The following CCDC33 variants were observed in gnomAD, a reference collection of about 807,000 sequenced individuals.
The protein encoded by CCDC33 is coiled-coil domain containing 33, also known as coiled-coil domain-containing protein 33.
CCDC33 carries 94 observed loss-of-function variants against 91.9 expected under a neutral mutation model. That is an observed-to-expected ratio of 1.02 (90% CI 0.87 to 1.21). The LOEUF is 1.21. CCDC33 is among the 50% of genes most tolerant of loss of function. The probability of loss-of-function intolerance (pLI) is 0.00; values close to 1 mark genes in which losing one functional copy is unlikely to be tolerated. For missense variants in CCDC33, 940 were observed against 935.5 expected (o/e 1.00, Z -0.06); for synonymous variants, 396 against 374.5 (o/e 1.06, Z -0.66).
chr15:74,209,078 C>T (rs1019426365), intron 1 of CCDC33: 1 of 1,256,138 alleles, frequency 8.0e-7, no homozygotes, highest in Non-Finnish European at 1.0e-6. Context: ...GGCTCTGCCC[C>T]TCCTCCTGCC....
At chr15:74,217,167 G>A (rs2074465768), upstream of CCDC33, 1 of 786,926 alleles carries the variant, frequency 1.3e-6, no homozygotes, top group Non-Finnish European at 1.7e-6. Flanking sequence ...AGGTGGGTGG[G>A]GAGTGTCCCT....
At chr15:74,215,170 G>A (rs2074407866), upstream of CCDC33, among the ~76,000 whole-genome samples, 2 of 152,180 alleles carry the variant, frequency 1.3e-5, no homozygotes, top group South Asian at 4.1e-4. Flanking sequence ...GGCAGTTTGG[G>A]TAGTGGAAAT....
intron 2 of CCDC33, among the ~76,000 whole-genome samples, chr15:74,261,573 A>G (rs936230434): frequency 1.6e-4 from 24 of 152,238 alleles, no homozygotes; most frequent in Middle Eastern, 6.8e-3. Flanking sequence ...CTGCTACAGG[A>G]TCTCTGGGAT....
intron 2 of CCDC33, among the ~76,000 whole-genome samples, chr15:74,223,615 C>T (rs1374100346): frequency 2.0e-5 from 3 of 152,022 alleles, no homozygotes; most frequent in Non-Finnish European, 4.4e-5. Context: ...CCTCTACAGG[C>T]ACGTGCCAGA....
intron 11 of CCDC33, among the ~76,000 whole-genome samples, chr15:74,308,822 T>G (rs2059940129): frequency 6.6e-6 from 1 of 152,180 alleles, no homozygotes; most frequent in Non-Finnish European, 1.5e-5. Context: ...CAATGACAGC[T>G]GGACCCTCTC....
At chr15:74,331,900 G>A (rs1166193975) in intron 15 of CCDC33, among the ~76,000 whole-genome samples, 1 of 151,984 alleles carries the variant, frequency 6.6e-6, no homozygotes, top group African/African-American at 2.4e-5. Context: ...CATGGTGGCG[G>A]GCACCTATAA....
chr15:74,266,604 T>C, intron 3 of CCDC33, 74 bp from the exon 4 acceptor site: 2 of 1,037,874 alleles, frequency 1.9e-6, no homozygotes, highest in East Asian at 2.4e-5. Context: ...CTCTCACCTC[T>C]CACTGTCTCT....
upstream of CCDC33, among the ~76,000 whole-genome samples, chr15:74,214,302 G>A (rs2074394430): frequency 6.6e-6 from 1 of 152,116 alleles, no homozygotes; most frequent in Non-Finnish European, 1.5e-5. Context: ...TTCACGCTGG[G>A]ACTTTGGAAG....
chr15:74,223,697 T>C (rs2074679750), intron 2 of CCDC33, among the ~76,000 whole-genome samples: 1 of 115,336 alleles, frequency 8.7e-6, no homozygotes, highest in South Asian at 2.3e-4. Flanking sequence ...AGCATGCTTC[T>C]GCTGAGGCTG....
chr15:74,333,131 C>G, intron 16 of CCDC33: 1 of 1,091,526 alleles, frequency 9.2e-7, no homozygotes, highest in East Asian at 2.6e-5. Context: ...TGGCTGGCCT[C>G]CACCTGGACC....
chr15:74,206,959 G>T (rs1328785763), intron 1 of CCDC33, among the ~76,000 whole-genome samples: 2 of 152,202 alleles, frequency 1.3e-5, no homozygotes, highest in Non-Finnish European at 2.9e-5. Flanking sequence ...TGCTCACTAT[G>T]GGAGGAGGTC....
At chr15:74,205,717 C>A (rs1160985412) in intron 1 of CCDC33, among the ~76,000 whole-genome samples, 3 of 152,220 alleles carry the variant, frequency 2.0e-5, no homozygotes, top group Non-Finnish European at 4.4e-5. Flanking sequence ...CAGAAAGGGA[C>A]CCCAGCTGAG....
rs1566987119 is a variant in CCDC33 at position 74,271,757 on chromosome 15, G to C, written c.601G>C (p.Val201Leu). The change falls in exon 6 of 19, where the codon GTG becomes CTG. Residue 201 changes from valine (V) to leucine (L), a missense_variant. Val to Leu is a conservative substitution (Grantham distance 32, BLOSUM62 1). Coordinates refer to ENST00000398814, the MANE Select transcript of CCDC33 (RefSeq NM_025055.5). ...PLANNPNPIV[V>L]IARVVPNYKE... Reference sequence around the variant, plus strand: ...GGCCAACAACCCCAACCCCATAGTGGTGATTGCCCGGGTCGTTCCCAACTA... The same window carrying C: ...GGCCAACAACCCCAACCCCATAGTGCTGATTGCCCGGGTCGTTCCCAACTA... 6 of 1,613,942 alleles carry C rather than the reference G, an allele frequency of 3.7e-6. No individual in the cohort carries two copies. The highest frequency in any genetic ancestry group is 4.2e-6 in the Non-Finnish European group (5 of 1,179,864).
intron 2 of CCDC33, among the ~76,000 whole-genome samples, chr15:74,248,323 A>AT (rs2075600561): frequency 6.6e-6 from 1 of 151,082 alleles, no homozygotes; most frequent in Non-Finnish European, 1.5e-5. Context: ...TATATTATAT[A>AT]TATTATATAT....
chr15:74,274,362 G>A (rs1043820919), intron 7 of CCDC33, among the ~76,000 whole-genome samples: 4 of 152,320 alleles, frequency 2.6e-5, no homozygotes, highest in Admixed American at 6.5e-5. Context: ...TGCCCTACAC[G>A]ATGGTCCCAA....
intron 10 of CCDC33, among the ~76,000 whole-genome samples, chr15:74,293,846 G>A (rs1330805047): frequency 6.6e-6 from 1 of 152,204 alleles, no homozygotes; most frequent in Non-Finnish European, 1.5e-5. Flanking sequence ...ATGGGGAGTT[G>A]GGGGACATAG....
intron 1 of CCDC33, among the ~76,000 whole-genome samples, chr15:74,237,105 C>T (rs1018701248): frequency 1.3e-5 from 2 of 152,240 alleles, no homozygotes; most frequent in African/African-American, 4.8e-5. Flanking sequence ...GGCTTGGCAG[C>T]CCTGATGCCC....
At chr15:74,219,625 T>G (rs796984844) in intron 2 of CCDC33, among the ~76,000 whole-genome samples, 25 of 152,230 alleles carry the variant, frequency 1.6e-4, no homozygotes, top group African/African-American at 5.5e-4. Flanking sequence ...TGGTGAGGGA[T>G]TGTACATGTC....
intron 7 of CCDC33, among the ~76,000 whole-genome samples, chr15:74,278,608 C>T (rs8035992): frequency 0.025 from 3,769 of 152,320 alleles, 142 homozygotes; most frequent in African/African-American, 0.086. Flanking sequence ...TCATTTCAGG[C>T]GTCCTCTGCA....
Sources: gnomAD v4.1 joint callset for allele counts (sites outside exome capture counted in the v4.1 genomes callset) on GRCh38, gnomAD v4.1.1 for gene constraint, MANE v1.5 for transcripts, NCBI Gene and HGNC (gene_info 2026-07-23, HGNC 2026-07-21) for gene names.